The following AGTR1 variants were observed in gnomAD, a reference collection of about 807,000 sequenced individuals.
The protein encoded by AGTR1 is type-1 angiotensin II receptor.
AGTR1 carries 16 observed loss-of-function variants against 19.4 expected under a neutral mutation model. That is an observed-to-expected ratio of 0.82 (90% CI 0.56 to 1.25). The LOEUF is 1.25. Ranked by LOEUF, AGTR1 falls within the 50% of genes most tolerant of loss-of-function variation. The probability of loss-of-function intolerance (pLI) is 0.00; values close to 1 mark genes in which losing one functional copy is unlikely to be tolerated. For synonymous variants in AGTR1, 153 were observed against 154.9 expected, an observed-to-expected ratio of 0.99 and a Z score of 0.09; for missense variants, 373 against 431.9, an observed-to-expected ratio of 0.86 and a Z score of 1.21.
At position 148,719,698 on chromosome 3, in the gene AGTR1, T is replaced by A. The variant is rs200515165; in HGVS notation, c.-48+11671T>A. ...CTCTAGACTAGTGCTTCTCAAACTCTAATGAACACCCAAGTCATCTGGGGA... is the reference window on the plus strand; with the variant it reads ...CTCTAGACTAGTGCTTCTCAAACTCAAATGAACACCCAAGTCATCTGGGGA... On this transcript the variant is annotated intron_variant, in intron 2 of 2. Transcript: ENST00000349243. 2.6e-5 allele frequency among the ~76,000 whole-genome samples: 4 copies of A among 152,232 alleles called. No individual in the cohort carries two copies. In the East Asian group the frequency reaches 7.8e-4, roughly 30 times the overall value.
At chr3:148,698,426 T>G (rs1712101733) in intron 1 of AGTR1, 2 of 152,226 alleles carry the variant, frequency 1.3e-5, no homozygotes, top group African/African-American at 4.8e-5. Context: ...AGAAATAAGA[T>G]GCAATTCAAT....
intron 2 of AGTR1, chr3:148,739,743 GCACAAC>G: frequency 8.2e-7 from 1 of 1,225,106 alleles, no homozygotes; most frequent in Non-Finnish European, 1.0e-6. Flanking sequence ...TGAATGCCAA[GCACAAC>G]CATGCTTGGC....
chr3:148,739,568 A>T (rs1281840033), intron 2 of AGTR1, among the ~76,000 whole-genome samples: 1 of 152,222 alleles, frequency 6.6e-6, no homozygotes, highest in African/African-American at 2.4e-5. Context: ...CCAAAAACTT[A>T]CATAGGGAGA....
At chr3:148,713,611 A>G (rs1161661308) in intron 2 of AGTR1, among the ~76,000 whole-genome samples, 2 of 152,132 alleles carry the variant, frequency 1.3e-5, no homozygotes, top group South Asian at 2.1e-4. Context: ...GATTTGATCA[A>G]TTGAGTATTC....
rs187000410 is a variant in AGTR1 at position 148,742,505 on chromosome 3, C to T, written c.*390C>T. The T allele has an allele frequency of 2.8e-5, 10 of 357,110 alleles. No homozygotes were observed. Among genetic ancestry groups the T allele is most frequent in the African/African-American group, 1.9e-4 (9 of 46,312 alleles). 22.1% of individuals were successfully genotyped at this position (357,110 alleles called of 1,614,324 possible). A position where few individuals can be genotyped will look rare whatever the true frequency, so the allele number is the denominator to read the frequency against. ...AGAGGAGCAACAGGAGATGAGAGTT[C>T]CAGATTGTTCTGTCCAGTTTCCAAA... On this transcript the variant is annotated 3_prime_UTR_variant, in exon 3 of 3. Coordinates refer to ENST00000349243, the MANE Select transcript of AGTR1 (RefSeq NM_000685.5).
chr3:148,713,549 C>G (rs947261417), intron 2 of AGTR1, among the ~76,000 whole-genome samples: 4 of 152,124 alleles, frequency 2.6e-5, no homozygotes, highest in East Asian at 1.9e-4. Context: ...AACCATTCCT[C>G]TCACAAGAGG....
intron 2 of AGTR1, among the ~76,000 whole-genome samples, chr3:148,713,503 A>G (rs2107937693): frequency 6.6e-6 from 1 of 152,284 alleles, no homozygotes. Context: ...CAAATCAATT[A>G]GGTTTGCAAT....
At chr3:148,709,911 C>T (rs750329018) in intron 2 of AGTR1, among the ~76,000 whole-genome samples, 11 of 152,092 alleles carry the variant, frequency 7.2e-5, no homozygotes, top group South Asian at 2.1e-4. Context: ...AATAAAGAAC[C>T]GTATTCAATG....
At chr3:148,712,772 T>C (rs1423339244) in intron 2 of AGTR1, among the ~76,000 whole-genome samples, 1 of 152,212 alleles carries the variant, frequency 6.6e-6, no homozygotes, top group Non-Finnish European at 1.5e-5. Context: ...AATTATTGTA[T>C]AGCAGTAATG....
chr3:148,714,510 A>T (rs1243542443), intron 2 of AGTR1, among the ~76,000 whole-genome samples: 1 of 152,166 alleles, frequency 6.6e-6, no homozygotes, highest in Non-Finnish European at 1.5e-5. Context: ...AGAAGAGTGG[A>T]TAACAAAAGT....
chr3:148,702,417 G>C (rs369293811), intron 1 of AGTR1, among the ~76,000 whole-genome samples: 2 of 152,184 alleles, frequency 1.3e-5, no homozygotes, highest in Non-Finnish European at 2.9e-5. Context: ...ATCAACAACA[G>C]CTGCAGGTAC....
chr3:148,708,712 G>C, intron 2 of AGTR1, among the ~76,000 whole-genome samples: 1 of 152,026 alleles, frequency 6.6e-6, no homozygotes, highest in East Asian at 1.9e-4. Flanking sequence ...TTCTTACATG[G>C]GCCTATGTGA....
At chr3:148,710,810 T>C (rs1292423682) in intron 2 of AGTR1, among the ~76,000 whole-genome samples, 8 of 152,144 alleles carry the variant, frequency 5.3e-5, no homozygotes, top group African/African-American at 2.4e-5. Context: ...TGGGAGGTGT[T>C]TGGATCCTGC....
At chr3:148,737,031 G>A (rs12695913) in intron 2 of AGTR1, among the ~76,000 whole-genome samples, 2 of 152,074 alleles carry the variant, frequency 1.3e-5, no homozygotes, top group African/African-American at 2.4e-5. Context: ...AAAGAAAAAA[G>A]AGCCCTACTG....
At chr3:148,717,598 T>C (rs1015434989) in intron 2 of AGTR1, among the ~76,000 whole-genome samples, 3 of 152,320 alleles carry the variant, frequency 2.0e-5, no homozygotes, top group Non-Finnish European at 4.4e-5. Flanking sequence ...AAGTATAAGC[T>C]AACACCATTT....
intron 2 of AGTR1, among the ~76,000 whole-genome samples, chr3:148,736,440 ACT>A (rs1714574924): frequency 6.6e-6 from 1 of 152,186 alleles, no homozygotes; most frequent in South Asian, 2.1e-4. Context: ...ATTTTTCTTT[ACT>A]CTCACGCTTT....
intron 1 of AGTR1, among the ~76,000 whole-genome samples, chr3:148,700,381 T>C (rs3772633): frequency 0.14 from 20,926 of 152,156 alleles, 1,677 homozygotes; most frequent in East Asian, 0.3. Flanking sequence ...ATGATGCATG[T>C]CTGCTGTCAT....
chr3:148,714,337 A>G (rs1713166256), intron 2 of AGTR1, among the ~76,000 whole-genome samples: 2 of 152,114 alleles, frequency 1.3e-5, no homozygotes, highest in Admixed American at 1.3e-4. Context: ...GGTTAAAAAG[A>G]GTGTTTAGGG....
intron 2 of AGTR1, among the ~76,000 whole-genome samples, chr3:148,709,310 C>G (rs1712851170): frequency 6.6e-6 from 1 of 152,016 alleles, no homozygotes; most frequent in South Asian, 2.1e-4. Context: ...TCCCATCAGC[C>G]CACTAGCAGG....
Sources: allele counts gnomAD v4.1 joint callset (sites outside exome capture counted in the v4.1 genomes callset), GRCh38; gene constraint gnomAD v4.1.1; transcripts MANE v1.5; gene names NCBI Gene and HGNC (gene_info 2026-07-23, HGNC 2026-07-21).